The following IQCE variants were observed in gnomAD, a reference collection of about 807,000 sequenced individuals.
IQCE encodes IQ motif containing E.
IQCE carries 115 observed loss-of-function variants against 96.0 expected under a neutral mutation model. The observed-to-expected ratio is 1.20, with a 90% confidence interval of 1.03 to 1.40. IQCE has a LOEUF of 1.40. IQCE is among the 40% of genes most tolerant of loss of function. The pLI is 0.00. For synonymous variants in IQCE, 412 were observed against 371.2 expected (o/e 1.11, Z -1.26); for missense variants, 1,041 against 909.1 (o/e 1.15, Z -1.87).
chr7:2,578,364 C>T lies in IQCE; in HGVS notation c.579+9C>T, dbSNP rs201129204. On this transcript the variant is annotated intron_variant, in intron 7 of 21. Coordinates refer to ENST00000402050, the MANE Select transcript of IQCE (RefSeq NM_152558.5). ...TCCTGGATCCCAGCCGCGTAAGCTC[C>T]TGGCGCTTCACGGACGGGGCAAGGG... The T allele has an allele frequency of 5.8e-5, 93 of 1,613,564 alleles. No homozygotes were observed. The East Asian group carries it at 8.9e-4, about 15-fold the overall frequency.
Position 2,607,152 on chromosome 7 carries a change from G to C in IQCE, c.1894G>C (p.Ala632Pro), listed in dbSNP as rs201167206. ...SATGKRTTTA[A>P]STRRRSASAT... Reference sequence around the variant, plus strand: ...TACCGGTAAAAGAACCACCACCGCAGCTTCTACCAGGAGGAGATCGGCTTC... The same window carrying C: ...TACCGGTAAAAGAACCACCACCGCACCTTCTACCAGGAGGAGATCGGCTTC... Residue 632 changes from alanine to proline, a missense_variant, in exon 21 of 22, where the codon GCT becomes CCT. Transcript: ENST00000402050. 2 of 1,609,174 alleles carry C rather than the reference G, an allele frequency of 1.2e-6. No homozygotes were observed. The highest frequency in any genetic ancestry group is 2.2e-5 in the East Asian group (1 of 44,550).
rs1157480253 is a variant in IQCE, at chr7:2,572,247, C to T, written c.315C>T (p.Gly105=). 2.5e-6 allele frequency: 4 copies of T among 1,614,022 alleles called. No individual in the cohort carries two copies. Among genetic ancestry groups the T allele is most frequent in the Non-Finnish European group, 1.7e-6 (2 of 1,179,868 alleles). Residue 105 remains glycine, a synonymous_variant, in exon 5 of 22, where the codon GGC becomes GGT. Transcript: ENST00000402050. ...TCACCTGGGAGCATGCGTGGACTGG[C>T]GTCCCCGGCGGCACTCCTGACTGTC... The part of the protein sequence containing the change: ...SPLTWEHAWT[G]VPGGTPDCLT...
At chr7:2,597,966 C>A (rs1168943887) in intron 16 of IQCE, among the ~76,000 whole-genome samples, 3 of 152,230 alleles carry the variant, frequency 2.0e-5, no homozygotes, top group African/African-American at 7.2e-5. Context: ...CTGCGCCCAG[C>A]CTGAAATCAT....
intron 3 of IQCE, 45 bp from the exon 4 acceptor site, chr7:2,571,481 A>G (rs1384356247): frequency 2.5e-6 from 4 of 1,602,470 alleles, no homozygotes; most frequent in Non-Finnish European, 1.7e-6. Context: ...TTGAGCTCAC[A>G]TGTTGCTGTC....
chr7:2,583,525 T>C lies in IQCE; in HGVS notation c.702-112T>C, dbSNP rs114090268. The C allele has an allele frequency of 5.4e-3, 3,308 of 613,384 alleles. 80 individuals are homozygous for C. The highest frequency in any genetic ancestry group is 0.054 in the African/African-American group (2,780 of 51,652). The allele number at this position is 613,384 out of a possible 1,614,324, so 38.0% of individuals were successfully genotyped here. On this transcript the variant is annotated intron_variant, in intron 9 of 21. Transcript: ENST00000402050. Reference sequence around the variant, plus strand: ...CCGTTCAGGCTTTTCCCTCCCATCCTGGGTCTTTTCCAAAGCCTCTCCTCT... The same window carrying C: ...CCGTTCAGGCTTTTCCCTCCCATCCCGGGTCTTTTCCAAAGCCTCTCCTCT...
At chr7:2,589,799 C>A in intron 13 of IQCE, 108 bp from the exon 14 acceptor site, 1 of 1,062,244 alleles carries the variant, frequency 9.4e-7, no homozygotes, top group Non-Finnish European at 1.4e-6. Flanking sequence ...TTTCTCATGG[C>A]CCTGCTGGAG....
chr7:2,562,233 GGTGTGT>G (rs139019430), intron 1 of IQCE, among the ~76,000 whole-genome samples: 3 of 148,788 alleles, frequency 2.0e-5, no homozygotes, highest in African/African-American at 2.5e-5. Context: ...TTGGTCTTGG[GGTGTGT>G]GTGTGTGTGT....
intron 15 of IQCE, among the ~76,000 whole-genome samples, chr7:2,594,682 G>A (rs532629807): frequency 6.6e-6 from 1 of 152,374 alleles, no homozygotes; most frequent in Admixed American, 6.5e-5. Flanking sequence ...GAGACAACAG[G>A]AAGTCCCGGC....
chr7:2,599,527 C>T lies in IQCE; in HGVS notation c.1608+895C>T, dbSNP rs570608086. Among the ~76,000 whole-genome samples the T allele has an allele frequency of 1.6e-4, 25 of 151,784 alleles. 1 individual carries two copies. In the South Asian group the frequency reaches 5.0e-3, roughly 30 times the overall value. ...TTCTTTTTTCATAGAGACAGGGTCT[C>T]ACTCCATCACTCAGGCTGGAGTGCA... On this transcript the variant is annotated intron_variant, in intron 17 of 21. Coordinates refer to ENST00000402050, the MANE Select transcript of IQCE (RefSeq NM_152558.5).
At chr7:2,592,709 C>T (rs991518950) in intron 14 of IQCE, among the ~76,000 whole-genome samples, 7 of 152,352 alleles carry the variant, frequency 4.6e-5, no homozygotes, top group African/African-American at 1.4e-4. Flanking sequence ...CACCCTCACA[C>T]GGGTGCGAGG....
At chr7:2,589,587 G>A (rs1009355381) in intron 13 of IQCE, among the ~76,000 whole-genome samples, 1 of 152,110 alleles carries the variant, frequency 6.6e-6, no homozygotes. Context: ...CAGTTCCAGG[G>A]GACAGGAGGG....
intron 1 of IQCE, among the ~76,000 whole-genome samples, chr7:2,564,673 T>C (rs1172900896): frequency 6.6e-6 from 1 of 152,228 alleles, no homozygotes; most frequent in Non-Finnish European, 1.5e-5. Context: ...TAGAAGAATA[T>C]ACTTTGAATG....
rs376883798 is a variant in IQCE at position 2,594,878 on chromosome 7, C to A, written c.1350-8C>A. On this transcript the variant is annotated splice_region_variant and splice_polypyrimidine_tract_variant and intron_variant, in intron 15 of 21. Transcript: ENST00000402050. ...TGAGGTGTCTCATCTTTTCCCTTTC[C>A]GCCTTAGAGAGGAGATTCAGACACT... 1.2e-6 allele frequency: 2 copies of A among 1,603,100 alleles called. No individual in the cohort carries two copies. The highest frequency in any genetic ancestry group is 2.2e-5 in the South Asian group (2 of 90,872).
intron 1 of IQCE, among the ~76,000 whole-genome samples, chr7:2,562,233 G>GGTGTGT (rs139019430): frequency 6.7e-6 from 1 of 148,786 alleles, no homozygotes; most frequent in African/African-American, 2.5e-5. Flanking sequence ...TTGGTCTTGG[G>GGTGTGT]GTGTGTGTGT....
At position 2,607,655 on chromosome 7, in the gene IQCE, C is replaced by T. The variant is rs971025895; in HGVS notation, c.1969+428C>T. 50 of 718,904 alleles carry T rather than the reference C, an allele frequency of 7.0e-5. No homozygotes were observed. In the Admixed American group the frequency reaches 2.0e-3, roughly 29 times the overall value. The allele number at this position is 718,904 out of a possible 1,614,324, so 44.5% of individuals were successfully genotyped here. A position where few individuals can be genotyped will look rare whatever the true frequency, so the allele number is the denominator to read the frequency against. On this transcript the variant is annotated intron_variant, in intron 21 of 21. Transcript: ENST00000402050. The stretch of plus-strand genomic sequence containing the variant: ...TGTGAGGCCTCATCCCTGCTCTGCC[C>T]GGAGCTGACGGGGATGCCCCAGCAG...
At chr7:2,559,329 G>A in intron 1 of IQCE, 112 bp downstream of exon 1, 2 of 494,718 alleles carry the variant, frequency 4.0e-6, no homozygotes, top group Non-Finnish European at 6.0e-6. Flanking sequence ...GCGTGAGGAC[G>A]GGGCGCACGG....
chr7:2,585,969 C>T (rs969693139), intron 11 of IQCE, among the ~76,000 whole-genome samples: 35 of 152,230 alleles, frequency 2.3e-4, no homozygotes, highest in Admixed American at 1.2e-3. Context: ...TGGTTGAACA[C>T]GGTATTTTGT....
Position 2,571,022 on chromosome 7 carries a change from ATTCTT to A in IQCE, c.131-488_131-484del, listed in dbSNP as rs142187992. ...ATATATTTCCCATTATATTCTTCCC[ATTCTT>A]TTCTTTTCTTTTCTTAAGAAAAGCC... is the stretch of plus-strand genomic sequence containing the variant. On this transcript the variant is annotated intron_variant, in intron 3 of 21. Transcript: ENST00000402050. Among the ~76,000 whole-genome samples the A allele has an allele frequency of 8.5e-4, 129 of 152,044 alleles. No individual in the cohort carries two copies. In the Middle Eastern group the frequency reaches 0.01, roughly 12 times the overall value.
chr7:2,561,609 C>CA (rs1562613396), intron 1 of IQCE, among the ~76,000 whole-genome samples: 1 of 151,662 alleles, frequency 6.6e-6, no homozygotes, highest in African/African-American at 2.4e-5. Flanking sequence ...TTTTGGTAGA[C>CA]ACGGGGTTTC....
Sources: allele counts gnomAD v4.1 joint callset (sites outside exome capture counted in the v4.1 genomes callset), GRCh38; gene constraint gnomAD v4.1.1; transcripts MANE v1.5; gene names NCBI Gene and HGNC (gene_info 2026-07-23, HGNC 2026-07-21).